The following SEPTIN7 variants were observed in gnomAD, a reference collection of about 807,000 sequenced individuals.
SEPTIN7 encodes the protein septin 7, also known as septin-7.
Under a neutral mutation model 63.3 loss-of-function variants are expected in SEPTIN7, and 10 were observed. The ratio of observed to expected loss-of-function variants is 0.16; its 90% CI spans 0.10 to 0.27. The LOEUF (loss-of-function observed/expected upper bound fraction) is 0.27. Among genes scored for constraint, SEPTIN7 ranks in the 10% least tolerant of loss-of-function variants. SEPTIN7 has a pLI of 1.00. For synonymous variants in SEPTIN7, 131 were observed against 165.3 expected (o/e 0.79, Z 1.59); for missense variants, 310 against 521.0 (o/e 0.59, Z 3.94).
At chr7:35,893,776 C>A (rs544431957) in intron 11 of SEPTIN7, among the ~76,000 whole-genome samples, 4 of 152,258 alleles carry the variant, frequency 2.6e-5, no homozygotes, top group African/African-American at 7.2e-5. Context: ...TAGAACAATT[C>A]TATTTCAGAG....
chr7:35,822,891 C>T (rs1380257296), intron 1 of SEPTIN7, among the ~76,000 whole-genome samples: 6 of 152,176 alleles, frequency 3.9e-5, no homozygotes, highest in Non-Finnish European at 7.3e-5. Flanking sequence ...AAGATGACAT[C>T]TAACACTCAA....
At position 35,905,392 on chromosome 7, in the gene SEPTIN7, T is replaced by G. The variant is rs1402365982; in HGVS notation, c.*1099T>G. On this transcript the variant is annotated 3_prime_UTR_variant, in exon 14 of 14. Transcript: ENST00000350320. Reference sequence around the variant, plus strand: ...AGAAACTTTTCAGCTTAAGTTTGCCTCCTCTACAATGACATCTTTTATATG... The same window carrying G: ...AGAAACTTTTCAGCTTAAGTTTGCCGCCTCTACAATGACATCTTTTATATG... 1 of 152,368 alleles carries G rather than the reference T, an allele frequency of 6.6e-6. No individual in the cohort carries two copies. Among genetic ancestry groups the G allele is most frequent in the East Asian group, 1.9e-4 (1 of 5,204 alleles). 9.4% of individuals were successfully genotyped at this position (152,368 alleles called of 1,614,324 possible). A position where few individuals can be genotyped will look rare whatever the true frequency, so the allele number is the denominator to read the frequency against.
chr7:35,821,121 GTTTTCA>G (rs1789383886), intron 1 of SEPTIN7, among the ~76,000 whole-genome samples: 1 of 152,142 alleles, frequency 6.6e-6, no homozygotes, highest in African/African-American at 2.4e-5. Flanking sequence ...TGTGCTGATG[GTTTTCA>G]AGGCTACTGT....
chr7:35,914,652 TC>T, the SEPTIN7 span, among the ~76,000 whole-genome samples: 3 of 111,378 alleles, frequency 2.7e-5, no homozygotes, highest in African/African-American at 5.5e-5. Flanking sequence ...TCTCTCTCTC[TC>T]TCTCTCTATA....
intron 7 of SEPTIN7, among the ~76,000 whole-genome samples, chr7:35,881,669 G>A (rs1786887005): frequency 6.6e-6 from 1 of 151,684 alleles, no homozygotes; most frequent in African/African-American, 2.4e-5. Flanking sequence ...CAAGAAAGTT[G>A]CACCAAAATA....
rs995716046 is a variant in SEPTIN7 at position 35,906,102 on chromosome 7, T to A, written c.*1809T>A. 6.6e-6 allele frequency: 1 copy of A among 152,146 alleles called. No homozygotes were observed. The highest frequency in any genetic ancestry group is 2.4e-5 in the African/African-American group (1 of 41,438). The allele number at this position is 152,146 out of a possible 1,614,324, so 9.4% of individuals were successfully genotyped here. A position where few individuals can be genotyped will look rare whatever the true frequency, so the allele number is the denominator to read the frequency against. ...TGTTTGGTTTTAGGGAGGCTAACAA[T>A]AACCTACTGAATTTGGAAAATGCAA... On this transcript the variant is annotated 3_prime_UTR_variant, in exon 14 of 14. Coordinates refer to ENST00000350320, the MANE Select transcript of SEPTIN7 (RefSeq NM_001788.6).
At chr7:35,872,544 A>AT (rs1209591550) in intron 4 of SEPTIN7, 122 bp from the exon 5 acceptor site, 4 of 700,438 alleles carry the variant, frequency 5.7e-6, no homozygotes, top group Non-Finnish European at 7.7e-6. Context: ...TAGTAGGTAG[A>AT]TTTAGTTTGC....
At chr7:35,880,626 C>G (rs1324677067) in intron 7 of SEPTIN7, among the ~76,000 whole-genome samples, 3 of 151,888 alleles carry the variant, frequency 2.0e-5, no homozygotes, top group Non-Finnish European at 4.4e-5. Context: ...TTAGTTCTCT[C>G]TCATTTTCAC....
intron 10 of SEPTIN7, among the ~76,000 whole-genome samples, chr7:35,889,697 C>T (rs189300662): frequency 9.8e-4 from 149 of 152,250 alleles, no homozygotes; most frequent in African/African-American, 3.5e-3. Context: ...GTGCTTGCCA[C>T]CACGCCCAAC....
chr7:35,908,999 A>G (rs1788689980), downstream of SEPTIN7, among the ~76,000 whole-genome samples: 1 of 152,224 alleles, frequency 6.6e-6, no homozygotes, highest in Non-Finnish European at 1.5e-5. Context: ...AGTAGTTTTA[A>G]GCAACTTGGC....
chr7:35,838,236 ACTTCCTTCCTTCCTTC>A lies in SEPTIN7; in HGVS notation c.169+5390_169+5405del, dbSNP rs1167892518. ...TTAGCTTGATTTTTATATTATCCAA[ACTTCCTTCCTTCCTTC>A]CTTCCTTCCTTCCTTCCTTCCTTCC... On this transcript the variant is annotated intron_variant, in intron 3 of 13. Coordinates refer to ENST00000350320, the MANE Select transcript of SEPTIN7 (RefSeq NM_001788.6). Among the ~76,000 whole-genome samples the A allele has an allele frequency of 4.2e-3, 248 of 58,934 alleles. 8 individuals are homozygous for A. The highest frequency in any genetic ancestry group is 8.9e-3 in the African/African-American group (129 of 14,558). The allele number at this position is 58,934 out of a possible 152,430, so 38.7% of individuals were successfully genotyped here. A position where few individuals can be genotyped will look rare whatever the true frequency, so the allele number is the denominator to read the frequency against.
intron 4 of SEPTIN7, 65 bp from the exon 5 acceptor site, chr7:35,872,601 C>T (rs1206393107): frequency 8.1e-7 from 1 of 1,231,648 alleles, no homozygotes; most frequent in East Asian, 2.3e-5. Flanking sequence ...TCCCTACCAT[C>T]ACCCCTTGTA....
At chr7:35,895,480 A>G (rs186817253) in intron 11 of SEPTIN7, among the ~76,000 whole-genome samples, 16 of 152,340 alleles carry the variant, frequency 1.1e-4, no homozygotes, top group Admixed American at 4.6e-4. Context: ...AATAATTGCA[A>G]ATTTCTTTTA....
chr7:35,875,928 A>C (rs1315809002), intron 6 of SEPTIN7, among the ~76,000 whole-genome samples: 1 of 152,194 alleles, frequency 6.6e-6, no homozygotes, highest in African/African-American at 2.4e-5. Context: ...AACAAGATTT[A>C]AAAACTAAAT....
In SEPTIN7 at chr7:35,886,509, C is replaced by T. The variant is rs187914471; in HGVS notation, c.872+630C>T. On this transcript the variant is annotated intron_variant, in intron 10 of 13. Coordinates refer to ENST00000350320, the MANE Select transcript of SEPTIN7 (RefSeq NM_001788.6). ...ATCATGAAGAAAAAGTGTAATAGGA[C>T]TAGAGATGTTAGTAGACAAGGAACA... 4.4e-4 allele frequency among the ~76,000 whole-genome samples: 67 copies of T among 152,238 alleles called. No homozygotes were observed. In the East Asian group the frequency reaches 0.011, roughly 26 times the overall value.
intron 10 of SEPTIN7, among the ~76,000 whole-genome samples, chr7:35,889,975 C>T (rs1402134921): frequency 6.6e-6 from 1 of 152,154 alleles, no homozygotes; most frequent in Non-Finnish European, 1.5e-5. Flanking sequence ...ACGGTATTGC[C>T]ACACCATGTA....
chr7:35,909,778 A>G (rs1788706640), downstream of SEPTIN7, among the ~76,000 whole-genome samples: 1 of 152,234 alleles, frequency 6.6e-6, no homozygotes, highest in African/African-American at 2.4e-5. Context: ...ATTCCATAAC[A>G]TTTGTATTTG....
At chr7:35,914,868 A>G in the SEPTIN7 span, among the ~76,000 whole-genome samples, 1 of 152,038 alleles carries the variant, frequency 6.6e-6, no homozygotes, top group Non-Finnish European at 1.5e-5. Context: ...GTATACATAG[A>G]TATGTGTACA....
chr7:35,901,080 C>G (rs1788293560), intron 12 of SEPTIN7: 1 of 152,132 alleles, frequency 6.6e-6, no homozygotes, highest in African/African-American at 2.4e-5. Flanking sequence ...AATACAGTCT[C>G]TCCTTAAATC....
Sources: allele counts gnomAD v4.1 joint callset (sites outside exome capture counted in the v4.1 genomes callset), GRCh38; gene constraint gnomAD v4.1.1; transcripts MANE v1.5; gene names NCBI Gene and HGNC (gene_info 2026-07-23, HGNC 2026-07-21).